INO80: variants seen among roughly 807,000 people sequenced by gnomAD.
INO80 encodes chromatin-remodeling ATPase INO80.
A neutral mutation model predicts 203.4 loss-of-function variants in INO80; 20 were observed. The ratio of observed to expected loss-of-function variants is 0.10; its 90% CI spans 0.07 to 0.14. INO80 has a LOEUF of 0.14. INO80 is among the 10% of genes least tolerant of loss of function. The probability of loss-of-function intolerance (pLI) is 1.00; values close to 1 mark genes in which losing one functional copy is unlikely to be tolerated. For synonymous variants in INO80, 726 were observed against 685.2 expected (o/e 1.06, Z -0.93); for missense variants, 1,419 against 1,914.4 (o/e 0.74, Z 4.83).
intron 1 of INO80, among the ~76,000 whole-genome samples, chr15:41,111,354 G>T (rs1466257768): frequency 6.6e-6 from 1 of 152,176 alleles, no homozygotes; most frequent in Non-Finnish European, 1.5e-5. Flanking sequence ...GCTGAGGCAG[G>T]AGAATTGCTT....
intron 14 of INO80, among the ~76,000 whole-genome samples, chr15:41,061,693 A>C (rs79972404): frequency 1.3e-5 from 2 of 152,136 alleles, no homozygotes; most frequent in African/African-American, 4.8e-5. Flanking sequence ...TAATTTGTTA[A>C]TGAAAAACAA....
chr15:41,007,236 G>A (rs1252425981), intron 27 of INO80, among the ~76,000 whole-genome samples: 2 of 140,940 alleles, frequency 1.4e-5, no homozygotes, highest in Non-Finnish European at 3.0e-5. Context: ...AAGCTGGAGT[G>A]CAGTGGCACA....
intron 1 of INO80, among the ~76,000 whole-genome samples, chr15:41,107,786 C>A (rs975279265): frequency 6.6e-6 from 1 of 151,416 alleles, no homozygotes. Context: ...GGCAACAGAG[C>A]GAGACTATGT....
intron 27 of INO80, among the ~76,000 whole-genome samples, chr15:41,006,350 T>C (rs1250577039): frequency 6.6e-6 from 1 of 152,230 alleles, no homozygotes; most frequent in Non-Finnish European, 1.5e-5. Context: ...TATGTCCAAA[T>C]GAACATTTAT....
intron 4 of INO80, among the ~76,000 whole-genome samples, chr15:41,094,066 A>G (rs1163832825): frequency 6.6e-6 from 1 of 152,238 alleles, no homozygotes; most frequent in Non-Finnish European, 1.5e-5. Context: ...AGTACTTCAT[A>G]GCAAAAGTAT....
At chr15:41,079,271 G>A (rs1406490720) in intron 9 of INO80, among the ~76,000 whole-genome samples, 8 of 152,134 alleles carry the variant, frequency 5.3e-5, no homozygotes, top group Admixed American at 5.2e-4. Flanking sequence ...CAAAACTGCA[G>A]TCAGCACCTA....
intron 1 of INO80, among the ~76,000 whole-genome samples, chr15:41,102,525 A>T (rs554740341): frequency 1.1e-4 from 17 of 151,600 alleles, no homozygotes; most frequent in Non-Finnish European, 2.4e-4. Context: ...AAAATTAGCC[A>T]GGTGTGGTGG....
intron 27 of INO80, among the ~76,000 whole-genome samples, chr15:41,015,692 T>A (rs2044192893): frequency 6.6e-6 from 1 of 150,786 alleles, no homozygotes; most frequent in Non-Finnish European, 1.5e-5. Flanking sequence ...TCCCAACTCT[T>A]TGAGAGGCTG....
intron 29 of INO80, among the ~76,000 whole-genome samples, chr15:40,991,440 G>C (rs954795103): frequency 9.9e-5 from 15 of 152,064 alleles, no homozygotes; most frequent in Non-Finnish European, 1.6e-4. Flanking sequence ...TGGTGAGGGA[G>C]ACAATGCACC....
At chr15:41,065,690 T>C (rs1449479588) in intron 14 of INO80, among the ~76,000 whole-genome samples, 1 of 152,136 alleles carries the variant, frequency 6.6e-6, no homozygotes, top group African/African-American at 2.4e-5. Context: ...CAATGGAATA[T>C]TACTCAGCCA....
At chr15:41,109,590 A>T (rs1312569610) in intron 1 of INO80, among the ~76,000 whole-genome samples, 3 of 152,048 alleles carry the variant, frequency 2.0e-5, no homozygotes, top group Non-Finnish European at 2.9e-5. Flanking sequence ...TGAGGTCAGG[A>T]GTTCGAGATC....
intron 31 of INO80, among the ~76,000 whole-genome samples, chr15:40,986,631 G>GTTTGT (rs2043737377): frequency 6.7e-6 from 1 of 149,098 alleles, no homozygotes; most frequent in Non-Finnish European, 1.5e-5. Flanking sequence ...TTTTGTTTTT[G>GTTTGT]TTTGTTTTTA....
chr15:41,113,174 C>A (rs1225244412), intron 1 of INO80, among the ~76,000 whole-genome samples: 1 of 152,132 alleles, frequency 6.6e-6, no homozygotes, highest in Non-Finnish European at 1.5e-5. Context: ...CTCAGCCTCC[C>A]AAAGTGCCGG....
intron 16 of INO80, 90 bp downstream of exon 16, chr15:41,058,549 G>T: frequency 1.9e-6 from 2 of 1,033,606 alleles, no homozygotes; most frequent in Non-Finnish European, 2.7e-6. Context: ...ATATATACAA[G>T]TCTGTGTGTG....
At chr15:41,068,823 G>A (rs1244079029) in intron 14 of INO80, among the ~76,000 whole-genome samples, 3 of 152,096 alleles carry the variant, frequency 2.0e-5, no homozygotes, top group Non-Finnish European at 2.9e-5. Context: ...TTGTGCCACT[G>A]CACTCTAGCC....
chr15:41,067,996 C>G (rs1366402533), intron 14 of INO80, among the ~76,000 whole-genome samples: 1 of 152,158 alleles, frequency 6.6e-6, no homozygotes, highest in Non-Finnish European at 1.5e-5. Context: ...CAATGGATGC[C>G]AAATACTTCC....
intron 1 of INO80, among the ~76,000 whole-genome samples, chr15:41,101,294 C>A (rs999424973): frequency 6.6e-6 from 1 of 152,132 alleles, no homozygotes; most frequent in Non-Finnish European, 1.5e-5. Flanking sequence ...CATCTGTTAT[C>A]GTCCAACTTC....
At chr15:41,077,878 A>G (rs2045428802) in intron 9 of INO80, among the ~76,000 whole-genome samples, 1 of 151,984 alleles carries the variant, frequency 6.6e-6, no homozygotes, top group Non-Finnish European at 1.5e-5. Flanking sequence ...TTCTAAAGTA[A>G]AACAATTAAG....
At chr15:40,980,900 C>T (rs1012119388) in intron 35 of INO80, among the ~76,000 whole-genome samples, 1 of 152,150 alleles carries the variant, frequency 6.6e-6, no homozygotes, top group African/African-American at 2.4e-5. Flanking sequence ...CAAGGCTGCC[C>T]ACTCTCTATC....
Sources: allele counts gnomAD v4.1 joint callset (sites outside exome capture counted in the v4.1 genomes callset), GRCh38; gene constraint gnomAD v4.1.1; transcripts MANE v1.5; gene names NCBI Gene and HGNC (gene_info 2026-07-23, HGNC 2026-07-21).